Variants in MAP3K20 observed in about 807,000 individuals in gnomAD.
The protein encoded by MAP3K20 is mitogen-activated protein kinase kinase kinase 20.
Under a neutral mutation model 85.7 loss-of-function variants are expected in MAP3K20, and 40 were observed. The ratio of observed to expected loss-of-function variants is 0.47; its 90% confidence interval spans 0.36 to 0.61. The LOEUF is 0.61. Ranked by LOEUF, MAP3K20 falls within the 20% of genes least tolerant of loss-of-function variation. The pLI is 0.00. For synonymous variants in MAP3K20, 325 were observed against 327.7 expected, an observed-to-expected ratio of 0.99 and a Z score of 0.09; for missense variants, 817 against 961.7, an observed-to-expected ratio of 0.85 and a Z score of 1.99.
intron 2 of MAP3K20, among the ~76,000 whole-genome samples, chr2:173,113,434 G>A (rs1175335394): frequency 1.3e-5 from 2 of 151,774 alleles, no homozygotes; most frequent in African/African-American, 2.4e-5. Flanking sequence ...CTTCTGCTAG[G>A]TTTGGGTTTG....
At chr2:173,075,842 C>G (rs1054829434), upstream of MAP3K20, 10 of 985,182 alleles carry the variant, frequency 1.0e-5, no homozygotes, top group African/African-American at 1.6e-4. Context: ...CCGTGACTGT[C>G]TTCCTCATTG....
chr2:173,204,607 C>T (rs971318649), intron 9 of MAP3K20, among the ~76,000 whole-genome samples: 3 of 152,104 alleles, frequency 2.0e-5, no homozygotes, highest in Non-Finnish European at 2.9e-5. Flanking sequence ...AAAAGACTCT[C>T]GCATACATAT....
intron 8 of MAP3K20, among the ~76,000 whole-genome samples, chr2:173,200,938 GT>G (rs1295498974): frequency 6.6e-6 from 1 of 152,124 alleles, no homozygotes; most frequent in Non-Finnish European, 1.5e-5. Flanking sequence ...GGCCAAAAAA[GT>G]TTTTTAAATT....
At chr2:173,152,682 A>C (rs1309733622) in intron 2 of MAP3K20, among the ~76,000 whole-genome samples, 1 of 152,220 alleles carries the variant, frequency 6.6e-6, no homozygotes, top group Non-Finnish European at 1.5e-5. Flanking sequence ...TTGGGGTGAG[A>C]CGGTATTTAG....
chr2:173,093,677 A>G lies in MAP3K20; in HGVS notation c.159+2487A>G, dbSNP rs187459048. Among the ~76,000 whole-genome samples, 171 of 152,312 alleles carry G rather than the reference A, an allele frequency of 1.1e-3. 1 individual carries two copies. Among genetic ancestry groups the G allele is most frequent in the Non-Finnish European group, 1.8e-3 (120 of 68,018 alleles). The stretch of plus-strand genomic sequence containing the variant: ...AGGACTATAAATCATGCTGCTATAA[A>G]GACACATGCACACGTATGTTTATTG... On this transcript the variant is annotated intron_variant, in intron 2 of 19. Transcript: ENST00000375213.
chr2:173,099,692 G>A (rs898102391), intron 2 of MAP3K20, among the ~76,000 whole-genome samples: 12 of 152,030 alleles, frequency 7.9e-5, no homozygotes, highest in Admixed American at 4.6e-4. Flanking sequence ...TCATACAAGC[G>A]TATTTTCTCT....
At chr2:173,134,521 C>T (rs1688743885) in intron 2 of MAP3K20, among the ~76,000 whole-genome samples, 1 of 142,154 alleles carries the variant, frequency 7.0e-6, no homozygotes, top group African/African-American at 2.6e-5. Context: ...CCCGTTTTGT[C>T]CTCCTCCCAA....
At chr2:173,227,711 T>C (rs1684425590) in intron 11 of MAP3K20, among the ~76,000 whole-genome samples, 1 of 152,224 alleles carries the variant, frequency 6.6e-6, no homozygotes, top group Non-Finnish European at 1.5e-5. Context: ...AAAATACTTC[T>C]TTCTCAATTT....
In MAP3K20 at chr2:173,165,752, G is replaced by A. The variant is rs145644268; in HGVS notation, c.160-4053G>A. Among the ~76,000 whole-genome samples, 1,282 of 152,292 alleles carry A rather than the reference G, an allele frequency of 8.4e-3. 17 individuals carry two copies. Among genetic ancestry groups the A allele is most frequent in the African/African-American group, 0.029 (1,223 of 41,556 alleles). On this transcript the variant is annotated intron_variant, in intron 2 of 19. Coordinates refer to ENST00000375213, the MANE Select transcript of MAP3K20 (RefSeq NM_016653.3). ...AGTGGCACAGTCACAACTCACTGCA[G>A]CTTTGACCTCCTGGGCTCAAGCCAT...
intron 2 of MAP3K20, among the ~76,000 whole-genome samples, chr2:173,107,981 T>C (rs1337703271): frequency 6.6e-6 from 1 of 152,212 alleles, no homozygotes; most frequent in Non-Finnish European, 1.5e-5. Flanking sequence ...GATAACTAGC[T>C]ATTTACATCA....
intron 8 of MAP3K20, among the ~76,000 whole-genome samples, chr2:173,200,881 C>G (rs1364472714): frequency 6.6e-6 from 1 of 152,168 alleles, no homozygotes; most frequent in Non-Finnish European, 1.5e-5. Flanking sequence ...ATCCACCTGC[C>G]TCGGCCTCCC....
chr2:173,253,078 G>T (rs530684007), intron 16 of MAP3K20, among the ~76,000 whole-genome samples: 1 of 152,172 alleles, frequency 6.6e-6, no homozygotes, highest in East Asian at 1.9e-4. Context: ...TGCACGCCCA[G>T]ACTCCTGCCC....
At chr2:173,236,624 G>T (rs184973943) in intron 14 of MAP3K20, among the ~76,000 whole-genome samples, 2 of 152,296 alleles carry the variant, frequency 1.3e-5, no homozygotes, top group Non-Finnish European at 2.9e-5. Context: ...CAAGGCTGGG[G>T]CTGTATGTAA....
chr2:173,080,323 G>A (rs1319899521), intron 1 of MAP3K20, among the ~76,000 whole-genome samples: 2 of 152,288 alleles, frequency 1.3e-5, no homozygotes, highest in Admixed American at 6.5e-5. Flanking sequence ...CAAGTTATAC[G>A]CAGAGCTGCT....
intron 2 of MAP3K20, among the ~76,000 whole-genome samples, chr2:173,151,352 G>T (rs980688994): frequency 1.1e-4 from 16 of 152,152 alleles, no homozygotes; most frequent in Non-Finnish European, 5.9e-5. Context: ...ATTTAAGTCA[G>T]AATGTTAGAC....
chr2:173,086,685 C>A (rs1453502537), intron 1 of MAP3K20, among the ~76,000 whole-genome samples: 3 of 152,218 alleles, frequency 2.0e-5, no homozygotes, highest in Non-Finnish European at 4.4e-5. Flanking sequence ...AAGTGTGCTT[C>A]TCAAAGGTCA....
intron 2 of MAP3K20, among the ~76,000 whole-genome samples, chr2:173,115,984 T>TA (rs1470734138): frequency 6.6e-6 from 1 of 151,036 alleles, no homozygotes; most frequent in Non-Finnish European, 1.5e-5. Context: ...AAGCATGTCT[T>TA]ACCAGGGCAG....
intron 2 of MAP3K20, among the ~76,000 whole-genome samples, chr2:173,133,992 AAAAAC>A (rs1688695111): frequency 1.0e-5 from 1 of 99,236 alleles, no homozygotes; most frequent in Non-Finnish European, 2.0e-5. Flanking sequence ...TTCCATCTCA[AAAAAC>A]AAAAAACAAA....
intron 2 of MAP3K20, among the ~76,000 whole-genome samples, chr2:173,120,698 CTTCTTTTTTTTT>C (rs1188342266): frequency 1.8e-3 from 189 of 103,130 alleles, no homozygotes; most frequent in African/African-American, 6.1e-3. Context: ...GTCACTCTCA[CTTCTTTTTTTTT>C]TTTTTTTTTT....
Sources: gnomAD v4.1 joint callset for allele counts (sites outside exome capture counted in the v4.1 genomes callset) on GRCh38, gnomAD v4.1.1 for gene constraint, MANE v1.5 for transcripts, NCBI Gene and HGNC (gene_info 2026-07-23, HGNC 2026-07-21) for gene names.